The following BHLHE41 variants were observed in gnomAD, a reference collection of about 807,000 sequenced individuals.
BHLHE41 encodes the protein class E basic helix-loop-helix protein 41.
Under a neutral mutation model 24.0 loss-of-function variants are expected in BHLHE41, and 14 were observed. The observed-to-expected ratio is 0.58, with a 90% confidence interval of 0.39 to 0.91. The LOEUF (loss-of-function observed/expected upper bound fraction) is 0.91, where lower values mean the gene tolerates loss of function less well. Ranked by LOEUF, BHLHE41 falls within the 40% of genes least tolerant of loss-of-function variation. BHLHE41 has a pLI of 0.00. For synonymous variants in BHLHE41, 394 were observed against 315.5 expected, an observed-to-expected ratio of 1.25 and a Z score of -2.64; for missense variants, 674 against 655.4, an observed-to-expected ratio of 1.03 and a Z score of -0.31.
At position 26,122,650 on chromosome 12, in the gene BHLHE41, T is replaced by TGCC. The variant is rs772978905; in HGVS notation, c.862_864dup (p.Gly288dup). 5.2e-6 allele frequency: 7 copies of TGCC among 1,346,580 alleles called. No homozygotes were observed. Among genetic ancestry groups the TGCC allele is most frequent in the African/African-American group, 1.5e-5 (1 of 66,576 alleles). The allele number at this position is 1,346,580 out of a possible 1,614,324, so 83.4% of individuals were successfully genotyped here. On this transcript the variant is annotated inframe_insertion, in exon 5 of 5. Transcript: ENST00000242728. ...GCGCCGCCCCCCGGGCCGCCGCCGCTGCCGCCGCCGCGGGAATCCAGCTTC... is the reference window on the plus strand; with the variant it reads ...GCGCCGCCCCCCGGGCCGCCGCCGCTGCCGCCGCCGCCGCGGGAATCCAGCTTC...
intron 1 of BHLHE41, 47 bp from the exon 2 acceptor site, chr12:26,124,629 T>G: frequency 1.9e-6 from 3 of 1,611,306 alleles, no homozygotes; most frequent in Non-Finnish European, 2.5e-6. Context: ...GGAGGGGCTC[T>G]GCCCTCGCCA....
Position 26,122,635 on chromosome 12 carries a change from C to A in BHLHE41, c.880G>T (p.Gly294Trp). The part of the protein sequence containing the change: ...SRGGGSGGGP[G>W]GGAAAAAAAL... ...GCTGCCGCCGCCGCCGCGCCGCCCC[C>A]CGGGCCGCCGCCGCTGCCGCCGCCG... Residue 294 changes from glycine to tryptophan, a missense_variant, in exon 5 of 5, where the codon GGG (glycine) becomes TGG (tryptophan). By Grantham distance (184) the Gly-to-Trp change is radical. Around this residue, in one of 3 missense-constraint regions of BHLHE41, gnomAD observed 602 missense variants for 570.8 expected, o/e 1.05. Transcript: ENST00000242728. 8 of 1,282,036 alleles carry A rather than the reference C, an allele frequency of 6.2e-6. No individual in the cohort carries two copies. The highest frequency in any genetic ancestry group is 7.9e-6 in the Non-Finnish European group (8 of 1,012,324). 79.4% of individuals were successfully genotyped at this position (1,282,036 alleles called of 1,614,324 possible). A position where few individuals can be genotyped will look rare whatever the true frequency, so the allele number is the denominator to read the frequency against.
chr12:26,122,876 G>A lies in BHLHE41; in HGVS notation c.639C>T (p.Pro213=), dbSNP rs371836958. 22 of 1,557,000 alleles carry A rather than the reference G, an allele frequency of 1.4e-5. 2 individuals carry two copies. The Middle Eastern group carries it at 7.7e-4, about 54-fold the overall frequency. ...CLERAGQKLE[P]LAYCVPVIQR... is the part of the protein sequence containing the mutation. ...GGATGACGGGCACGCAGTAGGCGAG[G>A]GGCTCCAGCTTCTGCCCCGCGCGCT... is the stretch of plus-strand genomic sequence containing the variant. Residue 213 remains proline, a synonymous_variant, in exon 5 of 5, where the codon CCC becomes CCT. Transcript: ENST00000242728.
Position 26,123,068 on chromosome 12 carries a change from A to C in BHLHE41, c.447T>G (p.Phe149Leu), listed in dbSNP as rs772273273. 7.3e-5 allele frequency: 116 copies of C among 1,592,234 alleles called. No individual in the cohort carries two copies. Among genetic ancestry groups the C allele is most frequent in the South Asian group, 6.3e-4 (55 of 87,434 alleles). Residue 149 changes from phenylalanine to leucine, a missense_variant, in exon 5 of 5, where the codon TTT becomes TTG. Phe to Leu is a conservative substitution (Grantham distance 22). Transcript: ENST00000242728. ...GCGGCTCCCTGGGTGTCCAGCTCTC[A>C]AACCGGGAGAGGTATTGCAAGACTT... ...AKEVLQYLSR[F>L]ESWTPREPRC...
At position 26,122,472 on chromosome 12, in the gene BHLHE41, C is replaced by T. The variant is rs1335950946; in HGVS notation, c.1043G>A (p.Cys348Tyr). 1 of 1,344,094 alleles carries T rather than the reference C, an allele frequency of 7.4e-7. No homozygotes were observed. Among genetic ancestry groups the T allele is most frequent in the Non-Finnish European group, 9.6e-7 (1 of 1,038,942 alleles). The allele number at this position is 1,344,094 out of a possible 1,614,324, so 83.3% of individuals were successfully genotyped here. The change falls in exon 5 of 5, where the codon TGC (cysteine) becomes TAC (tyrosine). Residue 348 changes from cysteine to tyrosine, a missense_variant. Around this residue, in one of 3 missense-constraint regions of BHLHE41, gnomAD observed 602 missense variants for 570.8 expected, o/e 1.05. Transcript: ENST00000242728. ...PQPAAAAAPF[C>Y]LPFCFLSPSA... Reference sequence around the variant, plus strand: ...AGGCGAGAGGAAGCAGAAGGGCAGGCAGAAGGGGGCCGCGGCGGCCGCGGG... The same window carrying T: ...AGGCGAGAGGAAGCAGAAGGGCAGGTAGAAGGGGGCCGCGGCGGCCGCGGG...
chr12:26,122,640 C>T lies in BHLHE41; in HGVS notation c.875G>A (p.Gly292Asp). The T allele has an allele frequency of 7.7e-7, 1 of 1,295,492 alleles. No individual in the cohort carries two copies. The highest frequency in any genetic ancestry group is 9.9e-7 in the Non-Finnish European group (1 of 1,014,790). 80.2% of individuals were successfully genotyped at this position (1,295,492 alleles called of 1,614,324 possible). A position where few individuals can be genotyped will look rare whatever the true frequency, so the allele number is the denominator to read the frequency against. The change falls in exon 5 of 5, where the codon GGC becomes GAC. Residue 292 changes from glycine (G) to aspartate (D), a missense_variant. Physicochemically the swap from Gly to Asp is moderately conservative, Grantham distance 94. Around this residue, in one of 3 missense-constraint regions of BHLHE41, gnomAD observed 602 missense variants for 570.8 expected, o/e 1.05. Coordinates refer to ENST00000242728, the MANE Select transcript of BHLHE41 (RefSeq NM_030762.3). ...LDSRGGGSGG[G>D]PGGGAAAAAA... is the part of the protein sequence containing the mutation. ...CGCCGCCGCCGCGCCGCCCCCCGGG[C>T]CGCCGCCGCTGCCGCCGCCGCGGGA... is the stretch of plus-strand genomic sequence containing the variant.
rs767352296 is a variant in BHLHE41 at position 26,124,055 on chromosome 12, G to A, written c.234+17C>T. The A allele has an allele frequency of 1.3e-6, 2 of 1,523,972 alleles. No individual in the cohort carries two copies. The highest frequency in any genetic ancestry group is 2.3e-5 in the East Asian group (1 of 44,438). 94.4% of individuals were successfully genotyped at this position (1,523,972 alleles called of 1,614,324 possible). A position where few individuals can be genotyped will look rare whatever the true frequency, so the allele number is the denominator to read the frequency against. ...ACGCCCTTGGAGAGCAGCAAAGAATGAAAATGTGCATCTTACTGTCAATTT... is the reference window on the plus strand; with the variant it reads ...ACGCCCTTGGAGAGCAGCAAAGAATAAAAATGTGCATCTTACTGTCAATTT... On this transcript the variant is annotated intron_variant, in intron 3 of 4. Transcript: ENST00000242728.
At chr12:26,124,252 TGCCCCCCCC>T (rs1944341988) in intron 2 of BHLHE41, 73 bp from the exon 3 acceptor site, 6 of 879,436 alleles carry the variant, frequency 6.8e-6, no homozygotes, top group South Asian at 2.8e-5. Flanking sequence ...TACCCTCGTC[TGCCCCCCCC>T]GCCCCCCCAC....
In BHLHE41 at chr12:26,124,945, C is replaced by G; in HGVS notation, c.-166G>C. ...AAGTGTGAAGCAGTTGGTCCCCCCCCTCCACCGCGCTCGCACACACACACG... is the reference window on the plus strand; with the variant it reads ...AAGTGTGAAGCAGTTGGTCCCCCCCGTCCACCGCGCTCGCACACACACACG... On this transcript the variant is annotated 5_prime_UTR_variant, in exon 1 of 5. Transcript: ENST00000242728. 2 of 721,928 alleles carry G rather than the reference C, an allele frequency of 2.8e-6. No homozygotes were observed. The highest frequency in any genetic ancestry group is 2.0e-5 in the Admixed American group (1 of 49,954). The allele number at this position is 721,928 out of a possible 1,614,324, so 44.7% of individuals were successfully genotyped here. A position where few individuals can be genotyped will look rare whatever the true frequency, so the allele number is the denominator to read the frequency against.
Position 26,124,528 on chromosome 12 carries a change from G to A in BHLHE41, c.117C>T (p.Asp39=), listed in dbSNP as rs752220142. The change falls in exon 2 of 5, where the codon GAC becomes GAT. Residue 39 remains aspartate, a synonymous_variant. Coordinates refer to ENST00000242728, the MANE Select transcript of BHLHE41 (RefSeq NM_030762.3). ...GGGAACTTACACTTACCTTGGTGTCGTCTCGTTTCATGCTCCTTTTGGGTT... is the reference window on the plus strand; with the variant it reads ...GGGAACTTACACTTACCTTGGTGTCATCTCGTTTCATGCTCCTTTTGGGTT... The part of the protein sequence containing the change: ...MCKPKRSMKR[D]DTKDTYKLPH... The A allele has an allele frequency of 6.2e-7, 1 of 1,614,014 alleles. No individual in the cohort carries two copies. The highest frequency in any genetic ancestry group is 8.5e-7 in the Non-Finnish European group (1 of 1,179,936).
At position 26,123,005 on chromosome 12, in the gene BHLHE41, G is replaced by A; in HGVS notation, c.510C>T (p.Ala170=). The A allele has an allele frequency of 6.4e-7, 1 of 1,568,332 alleles. No homozygotes were observed. The highest frequency in any genetic ancestry group is 8.6e-7 in the Non-Finnish European group (1 of 1,156,082). The change falls in exon 5 of 5, where the codon GCC becomes GCT. Residue 170 remains alanine (A), a synonymous_variant. Transcript: ENST00000242728. Reference sequence around the variant, plus strand: ...GCTGCGGGGTGGGCAAGAACTGGGTGGCCACGGCGTGCAAGTGGTTGATCA... The same window carrying A: ...GCTGCGGGGTGGGCAAGAACTGGGTAGCCACGGCGTGCAAGTGGTTGATCA... ...VQLINHLHAV[A]TQFLPTPQLL...
In BHLHE41 at chr12:26,120,210, A is replaced by T. The variant is rs1944293092; in HGVS notation, c.*1856T>A. The T allele has an allele frequency of 6.6e-6, 1 of 152,622 alleles. No individual in the cohort carries two copies. Among genetic ancestry groups the T allele is most frequent in the Non-Finnish European group, 1.5e-5 (1 of 68,034 alleles). The allele number at this position is 152,622 out of a possible 1,614,324, so 9.5% of individuals were successfully genotyped here. On this transcript the variant is annotated 3_prime_UTR_variant, in exon 5 of 5. Coordinates refer to ENST00000242728, the MANE Select transcript of BHLHE41 (RefSeq NM_030762.3). ...TCCCTATAGTTATAGATATCTTAAAACTAATTGAGCATCCATTATGTCTTT... is the reference window on the plus strand; with the variant it reads ...TCCCTATAGTTATAGATATCTTAAATCTAATTGAGCATCCATTATGTCTTT...
At chr12:26,124,261 C>A in intron 2 of BHLHE41, 82 bp from the exon 3 acceptor site, 2 of 559,558 alleles carry the variant, frequency 3.6e-6, no homozygotes, top group Non-Finnish European at 6.2e-6. Context: ...CTGCCCCCCC[C>A]GCCCCCCCAC....
At chr12:26,123,583 G>T in intron 4 of BHLHE41, 47 bp downstream of exon 4, 1 of 1,354,066 alleles carries the variant, frequency 7.4e-7, no homozygotes, top group Non-Finnish European at 1.1e-6. Flanking sequence ...TCCCCTGTGG[G>T]CTGCCCCGCT....
In BHLHE41 at chr12:26,122,910, G is replaced by T; in HGVS notation, c.605C>A (p.Pro202His). 1 of 1,549,852 alleles carries T rather than the reference G, an allele frequency of 6.5e-7. No individual in the cohort carries two copies. Among genetic ancestry groups the T allele is most frequent in the Non-Finnish European group, 8.7e-7 (1 of 1,146,494 alleles). The change falls in exon 5 of 5, where the codon CCC becomes CAC. Residue 202 changes from proline (P) to histidine (H), a missense_variant. Physicochemically the swap from Pro to His is moderately conservative, Grantham distance 77. Around this residue, in one of 3 missense-constraint regions of BHLHE41, gnomAD observed 602 missense variants for 570.8 expected, o/e 1.05. Transcript: ENST00000242728. ...APSAAGSAAA[P>H]CLERAGQKLE... ...CTTCTGCCCCGCGCGCTCCAGGCAG[G>T]GGGCGGCCGCGGACCCGGCGGCCGA...
chr12:26,122,697 T>A lies in BHLHE41; in HGVS notation c.818A>T (p.Asp273Val). 6.4e-7 allele frequency: 1 copy of A among 1,565,324 alleles called. No individual in the cohort carries two copies. The highest frequency in any genetic ancestry group is 8.6e-7 in the Non-Finnish European group (1 of 1,161,198). Residue 273 changes from aspartate (D) to valine (V), a missense_variant, in exon 5 of 5, where the codon GAC becomes GTC. Asp to Val is a radical substitution (Grantham distance 152). Coordinates refer to ENST00000242728, the MANE Select transcript of BHLHE41 (RefSeq NM_030762.3). ...VTIKQEPPGE[D>V]SPAPKRMKLD... Reference sequence around the variant, plus strand: ...CTTCATCCTCTTGGGCGCCGGCGAGTCCTCCCCGGGAGGCTCCTGCTTGAT... The same window carrying A: ...CTTCATCCTCTTGGGCGCCGGCGAGACCTCCCCGGGAGGCTCCTGCTTGAT...
rs909227356 is a variant in BHLHE41 at position 26,122,282 on chromosome 12, C to CGCGGCG, written c.1227_1232dup (p.Ala410_Ala411dup). The CGCGGCG allele has an allele frequency of 2.5e-5, 30 of 1,202,362 alleles. No individual in the cohort carries two copies. Among genetic ancestry groups the CGCGGCG allele is most frequent in the South Asian group, 8.3e-5 (2 of 24,048 alleles). The allele number at this position is 1,202,362 out of a possible 1,614,324, so 74.5% of individuals were successfully genotyped here. A position where few individuals can be genotyped will look rare whatever the true frequency, so the allele number is the denominator to read the frequency against. On this transcript the variant is annotated inframe_insertion, in exon 5 of 5. Transcript: ENST00000242728. ...ACAACACCGAGGACAGGCAGGGGAA[C>CGCGGCG]GCGGCGGCGGCGGCGGCAGCGGCGG... is the stretch of plus-strand genomic sequence containing the variant.
Position 26,122,391 on chromosome 12 carries a change from T to A in BHLHE41, c.1124A>T (p.Tyr375Phe), listed in dbSNP as rs1436802426. Residue 375 changes from tyrosine to phenylalanine, a missense_variant, in exon 5 of 5, where the codon TAT becomes TTT. Around this residue, in one of 3 missense-constraint regions of BHLHE41, gnomAD observed 602 missense variants for 570.8 expected, o/e 1.05. Transcript: ENST00000242728. ...GGCGGCAGCCGCCGCCGGGTACAGA[T>A]ACTTCTCCAGGCCGCTCTTGTCCAG... is the stretch of plus-strand genomic sequence containing the variant. The part of the protein sequence containing the change: ...PFLDKSGLEK[Y>F]LYPAAAAAPF... 1 of 1,252,366 alleles carries A rather than the reference T, an allele frequency of 8.0e-7. No individual in the cohort carries two copies. Among genetic ancestry groups the A allele is most frequent in the Non-Finnish European group, 1.0e-6 (1 of 991,212 alleles). 77.6% of individuals were successfully genotyped at this position (1,252,366 alleles called of 1,614,324 possible). A position where few individuals can be genotyped will look rare whatever the true frequency, so the allele number is the denominator to read the frequency against.
At position 26,122,435 on chromosome 12, in the gene BHLHE41, G is replaced by A; in HGVS notation, c.1080C>T (p.Ala360=). The A allele has an allele frequency of 7.4e-7, 1 of 1,354,708 alleles. No individual in the cohort carries two copies. The highest frequency in any genetic ancestry group is 9.6e-7 in the Non-Finnish European group (1 of 1,043,184). 83.9% of individuals were successfully genotyped at this position (1,354,708 alleles called of 1,614,324 possible). A position where few individuals can be genotyped will look rare whatever the true frequency, so the allele number is the denominator to read the frequency against. Reference sequence around the variant, plus strand: ...TGTCCAGGAAGGGCTGCACGTAGGCGGCAGCTGCAGAAGGCGAGAGGAAGC... The same window carrying A: ...TGTCCAGGAAGGGCTGCACGTAGGCAGCAGCTGCAGAAGGCGAGAGGAAGC... ...PFCFLSPSAA[A]AYVQPFLDKS... is the part of the protein sequence containing the mutation. Residue 360 remains alanine (A), a synonymous_variant, in exon 5 of 5, where the codon GCC becomes GCT. Coordinates refer to ENST00000242728, the MANE Select transcript of BHLHE41 (RefSeq NM_030762.3).
Sources: allele counts gnomAD v4.1 joint callset, GRCh38; gene constraint gnomAD v4.1.1; regional missense constraint gnomAD v4.1.1; transcripts MANE v1.5; gene names NCBI Gene and HGNC (gene_info 2026-07-23, HGNC 2026-07-21).